Variants in G2E3 observed in about 807,000 individuals in gnomAD.
G2E3 encodes G2/M phase-specific E3 ubiquitin-protein ligase.
Under a neutral mutation model 92.8 loss-of-function variants are expected in G2E3, and 35 were observed. The ratio of observed to expected loss-of-function variants is 0.38; its 90% CI spans 0.29 to 0.50. The LOEUF is 0.50. Among genes scored for constraint, G2E3 ranks in the 20% least tolerant of loss-of-function variants. The pLI is 0.94. For missense variants in G2E3, 554 were observed against 823.8 expected (o/e 0.67, Z 4.01); for synonymous variants, 242 against 272.4 (o/e 0.89, Z 1.10).
At chr14:30,586,941 T>G in intron 3 of G2E3, 126 bp downstream of exon 3, 4 of 401,846 alleles carry the variant, frequency 1.0e-5, no homozygotes, top group Non-Finnish European at 1.4e-5. Flanking sequence ...TGTCTATCTC[T>G]AAAAATAGAC....
At chr14:30,614,495 C>CA (rs1351611754) in intron 13 of G2E3, among the ~76,000 whole-genome samples, 2 of 152,198 alleles carry the variant, frequency 1.3e-5, no homozygotes, top group Non-Finnish European at 2.9e-5. Flanking sequence ...CTCACTCCCA[C>CA]AATAATGATA....
At chr14:30,590,838 C>A in intron 4 of G2E3, 1 of 424,202 alleles carries the variant, frequency 2.4e-6, no homozygotes, top group Non-Finnish European at 4.7e-6. Context: ...TCTAAAGGTC[C>A]CCTTATGGTT....
At chr14:30,565,064 C>G (rs1231687966) in intron 1 of G2E3, among the ~76,000 whole-genome samples, 3 of 152,000 alleles carry the variant, frequency 2.0e-5, no homozygotes, top group South Asian at 2.1e-4. Context: ...TGTTTTCCAC[C>G]CTTGCATCAT....
At chr14:30,597,121 A>G (rs1423668878) in intron 6 of G2E3, among the ~76,000 whole-genome samples, 3 of 152,222 alleles carry the variant, frequency 2.0e-5, no homozygotes, top group Non-Finnish European at 4.4e-5. Flanking sequence ...TTAAAGGGCA[A>G]CACAACATTT....
chr14:30,583,880 A>G (rs1304307892), intron 2 of G2E3, among the ~76,000 whole-genome samples: 1 of 152,210 alleles, frequency 6.6e-6, no homozygotes, highest in Non-Finnish European at 1.5e-5. Flanking sequence ...CATAAAATTC[A>G]TACTTTAACT....
At chr14:30,603,879 A>G (rs1240487551) in intron 10 of G2E3, among the ~76,000 whole-genome samples, 2 of 152,194 alleles carry the variant, frequency 1.3e-5, no homozygotes, top group Non-Finnish European at 2.9e-5. Flanking sequence ...AGAAGATAGT[A>G]AAGAGAATTT....
chr14:30,564,497 T>C (rs1014363684), intron 1 of G2E3, among the ~76,000 whole-genome samples: 2 of 152,090 alleles, frequency 1.3e-5, no homozygotes, highest in Non-Finnish European at 2.9e-5. Context: ...CAAGACTGGC[T>C]AATTAAAAAT....
intron 1 of G2E3, among the ~76,000 whole-genome samples, chr14:30,564,526 A>C (rs1006005875): frequency 6.6e-6 from 1 of 152,032 alleles, no homozygotes; most frequent in Non-Finnish European, 1.5e-5. Flanking sequence ...TAGAGACAGG[A>C]TATCACCATG....
Position 30,620,037 on chromosome 14 carries a change from T to C in G2E3, c.*3503T>C, listed in dbSNP as rs1882489543. 1 of 152,228 alleles carries C rather than the reference T, an allele frequency of 6.6e-6. No individual in the cohort carries two copies. The allele number at this position is 152,228 out of a possible 1,614,324, so 9.4% of individuals were successfully genotyped here. ...ATGTATCCTCTAATGTAAAATAGCT[T>C]ACCAGAATAAATTATTTAAGCCAAA... On this transcript the variant is annotated 3_prime_UTR_variant, in exon 15 of 15. Coordinates refer to ENST00000206595, the MANE Select transcript of G2E3 (RefSeq NM_017769.5).
At chr14:30,573,409 ATGTGTGTGTG>A (rs10552989) in intron 1 of G2E3, 2 of 148,780 alleles carry the variant, frequency 1.3e-5, no homozygotes, top group East Asian at 2.0e-4. Flanking sequence ...ACAACAGGAT[ATGTGTGTGTG>A]TGTGTGTGTG....
intron 1 of G2E3, among the ~76,000 whole-genome samples, chr14:30,578,660 CT>C (rs1358594113): frequency 6.6e-6 from 1 of 152,064 alleles, no homozygotes; most frequent in African/African-American, 2.4e-5. Flanking sequence ...ATAAATTAAA[CT>C]TTTTATGTTT....
At chr14:30,575,254 C>A (rs577824656) in intron 1 of G2E3, among the ~76,000 whole-genome samples, 1 of 152,178 alleles carries the variant, frequency 6.6e-6, no homozygotes, top group South Asian at 2.1e-4. Flanking sequence ...TGTCCTTTGG[C>A]CACTTTTTAA....
chr14:30,587,580 A>T (rs907240856), intron 3 of G2E3, among the ~76,000 whole-genome samples: 23 of 152,178 alleles, frequency 1.5e-4, no homozygotes, highest in African/African-American at 5.6e-4. Flanking sequence ...GAGTCTCATG[A>T]TATTATCATT....
In G2E3 at chr14:30,613,709, T is replaced by A. The variant is rs552311342; in HGVS notation, c.1673+1330T>A. ...TTTTAATCTATTTTGTTTTTTTTTT[T>A]AAAATCAAACTTTTTTTTAAAGATA... is the stretch of plus-strand genomic sequence containing the variant. On this transcript the variant is annotated intron_variant, in intron 13 of 14. Transcript: ENST00000206595. 1.2e-3 allele frequency among the ~76,000 whole-genome samples: 184 copies of A among 151,914 alleles called. No individual in the cohort carries two copies. The Middle Eastern group carries it at 0.017, about 14-fold the overall frequency.
chr14:30,573,651 C>T (rs999349141), intron 1 of G2E3: 2 of 152,020 alleles, frequency 1.3e-5, no homozygotes, highest in African/African-American at 4.8e-5. Flanking sequence ...ACCAGGAACA[C>T]CAAGGACAGA....
chr14:30,600,399 A>C (rs962854609), intron 8 of G2E3, among the ~76,000 whole-genome samples: 2 of 152,224 alleles, frequency 1.3e-5, no homozygotes, highest in African/African-American at 4.8e-5. Context: ...ATCTCATTGA[A>C]GGTATCAAGT....
chr14:30,598,646 T>C (rs1881408425), intron 8 of G2E3, 47 bp downstream of exon 8: 1 of 1,156,112 alleles, frequency 8.6e-7, no homozygotes, highest in Non-Finnish European at 1.3e-6. Context: ...TGTTTAAACC[T>C]TCTGCTGAGA....
intron 1 of G2E3, among the ~76,000 whole-genome samples, chr14:30,563,266 A>T (rs551998543): frequency 1.8e-4 from 27 of 151,992 alleles, no homozygotes; most frequent in Non-Finnish European, 3.2e-4. Flanking sequence ...CCGTTTGATC[A>T]CTTAAGACAG....
chr14:30,606,221 A>G (rs1427565561), intron 11 of G2E3, among the ~76,000 whole-genome samples: 1 of 151,446 alleles, frequency 6.6e-6, no homozygotes, highest in African/African-American at 2.4e-5. Context: ...ATTTTTCAGT[A>G]TACTTTTGTT....
Sources: allele counts gnomAD v4.1 joint callset (sites outside exome capture counted in the v4.1 genomes callset), GRCh38; gene constraint gnomAD v4.1.1; transcripts MANE v1.5; gene names NCBI Gene and HGNC (gene_info 2026-07-23, HGNC 2026-07-21).